Variants in EXT2 observed in about 807,000 individuals in gnomAD.
EXT2 encodes exostosin glycosyltransferase 2, also known as exostosin-2.
Under a neutral mutation model 81.6 loss-of-function variants are expected in EXT2, and 53 were observed. The observed-to-expected ratio is 0.65, with a 90% CI of 0.52 to 0.82. EXT2 has a LOEUF of 0.82. EXT2 is among the 40% of genes least tolerant of loss of function. The pLI, the probability that EXT2 is intolerant of heterozygous loss-of-function variation, is 0.00. For missense variants in EXT2, 774 were observed against 910.2 expected, an observed-to-expected ratio of 0.85 and a Z score of 1.93; for synonymous variants, 320 against 340.0, an observed-to-expected ratio of 0.94 and a Z score of 0.65.
At chr11:44,190,790 C>T (rs555739258) in intron 8 of EXT2, among the ~76,000 whole-genome samples, 3 of 152,290 alleles carry the variant, frequency 2.0e-5, no homozygotes, top group Non-Finnish European at 2.9e-5. Context: ...AAAGGCCACC[C>T]GTTTACCACC....
intron 7 of EXT2, among the ~76,000 whole-genome samples, chr11:44,170,166 C>T (rs140911452): frequency 3.2e-4 from 49 of 151,878 alleles, no homozygotes; most frequent in African/African-American, 8.9e-4. Context: ...CTGACCACAG[C>T]GCAGTCAAAG....
At chr11:44,231,409 G>A (rs992325816) in intron 10 of EXT2, among the ~76,000 whole-genome samples, 2 of 152,202 alleles carry the variant, frequency 1.3e-5, no homozygotes, top group Non-Finnish European at 2.9e-5. Context: ...GACGTGTTAG[G>A]TTTGTTTATC....
Position 44,197,889 on chromosome 11 carries a change from T to A in EXT2, c.1366T>A (p.Phe456Ile), listed in dbSNP as rs1250797488. The change falls in exon 9 of 14, where the codon TTC becomes ATC. Residue 456 changes from phenylalanine to isoleucine, a missense_variant. Physicochemically the swap from Phe to Ile is conservative, Grantham distance 21. Around this residue, in one of 2 missense-constraint regions of EXT2, gnomAD observed 626 missense variants for 670.5 expected, o/e 0.93. Transcript: ENST00000533608. ...GCTGATCCCACCACAGTCTCAAGGG[T>A]TCACCGCCATAGTCCTCACCTACGA... Reference protein sequence around the residue: ...LPLIPPQSQGFTAIVLTYDRV... With the variant: ...LPLIPPQSQGITAIVLTYDRV... 10 of 1,614,056 alleles carry A rather than the reference T, an allele frequency of 6.2e-6. No homozygotes were observed. The highest frequency in any genetic ancestry group is 8.5e-6 in the Non-Finnish European group (10 of 1,179,964).
chr11:44,123,290 C>G (rs1016590685), intron 4 of EXT2, among the ~76,000 whole-genome samples: 3 of 152,218 alleles, frequency 2.0e-5, no homozygotes, highest in Admixed American at 2.0e-4. Flanking sequence ...ATTCTCTCTT[C>G]AAAGCCAAAA....
At chr11:44,181,713 A>G (rs1166823211) in intron 8 of EXT2, among the ~76,000 whole-genome samples, 1 of 152,074 alleles carries the variant, frequency 6.6e-6, no homozygotes. Flanking sequence ...TTCTCTCTGA[A>G]GATATTATTT....
At chr11:44,098,100 T>C (rs1190096769) in intron 1 of EXT2, among the ~76,000 whole-genome samples, 2 of 152,218 alleles carry the variant, frequency 1.3e-5, no homozygotes, top group African/African-American at 4.8e-5. Context: ...GGTTATGGTA[T>C]TGTATGGAAT....
intron 10 of EXT2, among the ~76,000 whole-genome samples, chr11:44,222,485 T>C (rs1290052384): frequency 2.6e-5 from 4 of 152,222 alleles, no homozygotes; most frequent in Non-Finnish European, 5.9e-5. Context: ...TGTAAGGGGT[T>C]GTTCAAAGTA....
chr11:44,175,453 T>C (rs1386871232), intron 8 of EXT2, among the ~76,000 whole-genome samples: 1 of 151,888 alleles, frequency 6.6e-6, no homozygotes, highest in African/African-American at 2.4e-5. Context: ...AACTCAATCC[T>C]TCCTCTGTGT....
intron 7 of EXT2, among the ~76,000 whole-genome samples, chr11:44,160,795 A>G (rs533654247): frequency 6.6e-6 from 1 of 152,300 alleles, no homozygotes; most frequent in South Asian, 2.1e-4. Flanking sequence ...TATTTGTTTT[A>G]GTTATTTACT....
intron 2 of EXT2, among the ~76,000 whole-genome samples, chr11:44,108,915 C>T (rs1212157336): frequency 6.6e-6 from 1 of 152,102 alleles, no homozygotes; most frequent in Non-Finnish European, 1.5e-5. Context: ...TTTTGTGTTT[C>T]TTTAACCAAA....
chr11:44,120,673 T>C (rs1325290525), intron 4 of EXT2, among the ~76,000 whole-genome samples: 1 of 152,268 alleles, frequency 6.6e-6, no homozygotes, highest in East Asian at 1.9e-4. Flanking sequence ...TCTTGCGGGC[T>C]ATACAGAATA....
At chr11:44,231,489 C>T (rs1955898048) in intron 10 of EXT2, among the ~76,000 whole-genome samples, 1 of 152,070 alleles carries the variant, frequency 6.6e-6, no homozygotes, top group Non-Finnish European at 1.5e-5. Flanking sequence ...ATTTAGAGGT[C>T]ACCAGATTAT....
Position 44,247,906 on chromosome 11 carries a change from A to T in EXT2, c.*3619A>T, listed in dbSNP as rs936498161. On this transcript the variant is annotated 3_prime_UTR_variant, in exon 14 of 14. Coordinates refer to ENST00000533608, the MANE Select transcript of EXT2 (RefSeq NM_207122.2). ...AGCCACAGGTTCTGAAGTTGATTTG[A>T]GGTTAAAATCCAAGAACCTTTGATA... is the stretch of plus-strand genomic sequence containing the variant. 6.6e-6 allele frequency among the ~76,000 whole-genome samples: 1 copy of T among 152,220 alleles called. No individual in the cohort carries two copies. Among genetic ancestry groups the T allele is most frequent in the African/African-American group, 2.4e-5 (1 of 41,458 alleles).
At chr11:44,180,015 C>T (rs1054820771) in intron 8 of EXT2, among the ~76,000 whole-genome samples, 2 of 152,152 alleles carry the variant, frequency 1.3e-5, no homozygotes, top group African/African-American at 4.8e-5. Flanking sequence ...TGACTTTTGG[C>T]TCTCCCTTTT....
At chr11:44,135,207 C>T (rs1325655690) in intron 7 of EXT2, among the ~76,000 whole-genome samples, 1 of 152,186 alleles carries the variant, frequency 6.6e-6, no homozygotes, top group East Asian at 1.9e-4. Context: ...TATAGGAGAG[C>T]CCCTATCAGG....
chr11:44,230,989 G>A (rs765022519), intron 10 of EXT2, among the ~76,000 whole-genome samples: 7 of 152,098 alleles, frequency 4.6e-5, no homozygotes, highest in Non-Finnish European at 7.4e-5. Flanking sequence ...TAGGGAAATC[G>A]ATGATGAAAA....
At position 44,109,267 on chromosome 11, in the gene EXT2, G is replaced by C; in HGVS notation, c.610G>C (p.Asp204His). 5.0e-6 allele frequency: 8 copies of C among 1,614,084 alleles called. No individual in the cohort carries two copies. The highest frequency in any genetic ancestry group is 5.9e-6 in the Non-Finnish European group (7 of 1,179,968). Reference sequence around the variant, plus strand: ...TCCCCCAGATTATAACACAGCCCTGGATGTCCCCAGAGACAGGTAGGAGGC... The same window carrying C: ...TCCCCCAGATTATAACACAGCCCTGCATGTCCCCAGAGACAGGTAGGAGGC... The part of the protein sequence containing the change: ...GGPPDYNTAL[D>H]VPRDRALLAG... Residue 204 changes from aspartate (D) to histidine (H), a missense_variant, in exon 3 of 14, where the codon GAT becomes CAT. By Grantham distance (81) the Asp-to-His change is moderately conservative. Transcript: ENST00000533608.
intron 1 of EXT2, among the ~76,000 whole-genome samples, chr11:44,101,982 G>A (rs1437397305): frequency 6.6e-6 from 1 of 151,672 alleles, no homozygotes; most frequent in African/African-American, 2.4e-5. Context: ...GCTGGCACGT[G>A]GAAGATTGAT....
At position 44,213,480 on chromosome 11, in the gene EXT2, A is replaced by T. The variant is rs1955677325; in HGVS notation, c.1662+6521A>T. On this transcript the variant is annotated intron_variant, in intron 10 of 13. Transcript: ENST00000533608. ...CAAAAAAAGCCTCTAATAAGCAATT[A>T]TGACTACTGTCAAAACAAATGGAAA... Among the ~76,000 whole-genome samples the T allele has an allele frequency of 2.0e-5, 3 of 152,244 alleles. No homozygotes were observed. In the South Asian group the frequency reaches 6.2e-4, roughly 31 times the overall value.
Sources: allele counts gnomAD v4.1 joint callset (sites outside exome capture counted in the v4.1 genomes callset), GRCh38; gene constraint gnomAD v4.1.1; regional missense constraint gnomAD v4.1.1; transcripts MANE v1.5; gene names NCBI Gene and HGNC (gene_info 2026-07-23, HGNC 2026-07-21).